The following DGKG variants were observed in gnomAD, a reference collection of about 807,000 sequenced individuals.
DGKG encodes diacylglycerol kinase gamma.
A neutral mutation model predicts 105.3 loss-of-function variants in DGKG; 78 were observed. The observed-to-expected ratio is 0.74, with a 90% CI of 0.62 to 0.89. The LOEUF is 0.89. DGKG is among the 40% of genes least tolerant of loss of function. The pLI is 0.00. For synonymous variants in DGKG, 346 were observed against 367.1 expected (o/e 0.94, Z 0.66); for missense variants, 958 against 1,020.1 (o/e 0.94, Z 0.83).
intron 2 of DGKG, among the ~76,000 whole-genome samples, chr3:186,316,177 T>C (rs1334762290): frequency 6.6e-6 from 1 of 152,216 alleles, no homozygotes; most frequent in Non-Finnish European, 1.5e-5. Flanking sequence ...GGAGCAGAGA[T>C]GAGTCATGCC....
chr3:186,230,570 AG>A (rs1720103988), intron 20 of DGKG, among the ~76,000 whole-genome samples: 2 of 151,954 alleles, frequency 1.3e-5, no homozygotes, highest in Non-Finnish European at 2.9e-5. Flanking sequence ...GTAACGTGGG[AG>A]GGGGGTGGTG....
intron 1 of DGKG, among the ~76,000 whole-genome samples, chr3:186,356,177 T>A (rs994581728): frequency 1.3e-5 from 2 of 152,230 alleles, no homozygotes; most frequent in Non-Finnish European, 2.9e-5. Context: ...ATATCTATGT[T>A]TAGGGAACAT....
chr3:186,181,598 T>TGGCA (rs1056927063), intron 22 of DGKG, among the ~76,000 whole-genome samples: 1 of 152,138 alleles, frequency 6.6e-6, no homozygotes, highest in Non-Finnish European at 1.5e-5. Flanking sequence ...CCAGGCACAG[T>TGGCA]GGCAGGCACC....
chr3:186,155,072 C>T (rs1230402711), intron 24 of DGKG, among the ~76,000 whole-genome samples: 1 of 152,144 alleles, frequency 6.6e-6, no homozygotes, highest in Non-Finnish European at 1.5e-5. Flanking sequence ...CACGAGAGAT[C>T]ATCTTACAGT....
At chr3:186,195,748 T>C (rs1578649971) in intron 21 of DGKG, among the ~76,000 whole-genome samples, 1 of 152,322 alleles carries the variant, frequency 6.6e-6, no homozygotes, top group East Asian at 1.9e-4. Context: ...GCCAACTGCA[T>C]CTCTGGGGTG....
intron 22 of DGKG, among the ~76,000 whole-genome samples, chr3:186,170,882 A>T (rs946972993): frequency 2.0e-5 from 3 of 152,244 alleles, no homozygotes; most frequent in Admixed American, 6.5e-5. Context: ...TAAAAGTCAG[A>T]ACTCCAGATG....
chr3:186,250,762 C>G (rs920932364), intron 19 of DGKG, among the ~76,000 whole-genome samples: 91 of 152,014 alleles, frequency 6.0e-4, no homozygotes, highest in Admixed American at 1.0e-3. Context: ...GTTGGCCAGG[C>G]TGGTCTCGAA....
chr3:186,261,659 T>A, intron 15 of DGKG, 40 bp downstream of exon 15: 4 of 1,421,426 alleles, frequency 2.8e-6, no homozygotes, highest in Non-Finnish European at 3.9e-6. Flanking sequence ...CTGAGTCGTG[T>A]CGCCCTAGTT....
intron 22 of DGKG, among the ~76,000 whole-genome samples, chr3:186,181,237 G>A (rs562804831): frequency 6.0e-4 from 92 of 152,324 alleles, no homozygotes; most frequent in African/African-American, 1.9e-3. Context: ...TTTGTTCACC[G>A]TTGTACCATG....
Position 186,265,366 on chromosome 3 carries a change from A to G in DGKG, c.1210-60T>C, listed in dbSNP as rs989022788. On this transcript the variant is annotated intron_variant, in intron 13 of 24. Transcript: ENST00000265022. ...AAAAAGAAGCCTAACACAAAGAAAGAGATCAGATGAAAAACAAACGGCTGA... is the reference window on the plus strand; with the variant it reads ...AAAAAGAAGCCTAACACAAAGAAAGGGATCAGATGAAAAACAAACGGCTGA... 42 of 1,501,332 alleles carry G rather than the reference A, an allele frequency of 2.8e-5. No individual in the cohort carries two copies. In the Admixed American group the frequency reaches 7.2e-4, roughly 26 times the overall value. 93.0% of individuals were successfully genotyped at this position (1,501,332 alleles called of 1,614,324 possible). A position where few individuals can be genotyped will look rare whatever the true frequency, so the allele number is the denominator to read the frequency against.
At chr3:186,216,527 A>G (rs1052600711) in intron 20 of DGKG, among the ~76,000 whole-genome samples, 1 of 152,126 alleles carries the variant, frequency 6.6e-6, no homozygotes, top group Non-Finnish European at 1.5e-5. Context: ...GCTTACAGGT[A>G]GGTTACTCTA....
intron 5 of DGKG, among the ~76,000 whole-genome samples, chr3:186,296,604 A>G (rs1200218733): frequency 1.3e-5 from 2 of 152,242 alleles, no homozygotes; most frequent in African/African-American, 4.8e-5. Context: ...AGCAGGCACC[A>G]CTACAGCAGC....
rs144507490 is a variant in DGKG, at chr3:186,170,349, G to A, written c.2096-5331C>T. On this transcript the variant is annotated intron_variant, in intron 22 of 24. Transcript: ENST00000265022. ...GGTTCTCAAAGTCTGGTCCTGGACC[G>A]GCAGCCTCAGCATCACCTGGGAACT... 5.0e-3 allele frequency among the ~76,000 whole-genome samples: 760 copies of A among 152,234 alleles called. 4 individuals carry two copies. Among genetic ancestry groups the A allele is most frequent in the East Asian group, 0.021 (109 of 5,178 alleles).
Position 186,203,212 on chromosome 3 carries a change from T to C in DGKG, c.1917+8583A>G, listed in dbSNP as rs1718559681. Among the ~76,000 whole-genome samples the C allele has an allele frequency of 1.3e-5, 2 of 152,344 alleles. No individual in the cohort carries two copies. The highest frequency in any genetic ancestry group is 4.1e-4 in the South Asian group (2 of 4,834). ...AGGAAACTCGTAGTCAGTGCACGAC[T>C]GAAAGAGACAGAGATGGGGATGATG... On this transcript the variant is annotated intron_variant, in intron 21 of 24. Coordinates refer to ENST00000265022, the MANE Select transcript of DGKG (RefSeq NM_001346.3). This position sits in a 1 kb window ranked among gnomAD's most constrained non-coding sequence, Gnocchi z 4.9.
intron 1 of DGKG, among the ~76,000 whole-genome samples, chr3:186,356,573 A>C (rs1335638414): frequency 6.6e-6 from 1 of 152,168 alleles, no homozygotes; most frequent in South Asian, 2.1e-4. Context: ...TAGAAATAGG[A>C]AATAGAATGA....
chr3:186,251,955 G>GA, intron 18 of DGKG, 36 bp from the exon 19 acceptor site: 1 of 1,517,896 alleles, frequency 6.6e-7, no homozygotes, highest in Non-Finnish European at 8.8e-7. Context: ...CACCACAGCA[G>GA]AAAGGCTGTA....
rs549077693 is a variant in DGKG at position 186,175,381 on chromosome 3, C to T, written c.2096-10363G>A. On this transcript the variant is annotated intron_variant, in intron 22 of 24. Transcript: ENST00000265022. Reference sequence around the variant, plus strand: ...AAACCTGCTCGTGTGGTGGGTGGGACGGGAAAAATGTGTCCTCCATTCTGT... The same window carrying T: ...AAACCTGCTCGTGTGGTGGGTGGGATGGGAAAAATGTGTCCTCCATTCTGT... 7.8e-4 allele frequency among the ~76,000 whole-genome samples: 119 copies of T among 152,190 alleles called. No individual in the cohort carries two copies. The Middle Eastern group carries it at 0.02, about 26-fold the overall frequency.
intron 1 of DGKG, among the ~76,000 whole-genome samples, chr3:186,332,849 A>T (rs1725664168): frequency 1.3e-5 from 2 of 152,042 alleles, no homozygotes; most frequent in South Asian, 4.2e-4. Context: ...GAATGGATTA[A>T]TCCATTCATG....
chr3:186,332,110 A>G (rs1334473562), intron 1 of DGKG, among the ~76,000 whole-genome samples: 4 of 152,182 alleles, frequency 2.6e-5, no homozygotes, highest in Non-Finnish European at 4.4e-5. Flanking sequence ...CCACCTGTGG[A>G]GATGCCACGC....
Sources: gnomAD v4.1 joint callset for allele counts (sites outside exome capture counted in the v4.1 genomes callset) on GRCh38, gnomAD v4.1.1 for gene constraint, Gnocchi (gnomAD v3.1) non-coding constraint, MANE v1.5 for transcripts, NCBI Gene and HGNC (gene_info 2026-07-23, HGNC 2026-07-21) for gene names.